The following CDH13 variants were observed in gnomAD, a reference collection of about 807,000 sequenced individuals.
The protein encoded by CDH13 is cadherin-13.
In CDH13, 24 loss-of-function variants were observed where a neutral mutation model predicts 63.8. That is an observed-to-expected ratio of 0.38 (90% CI 0.27 to 0.53). The LOEUF is 0.53. CDH13 is among the 20% of genes least tolerant of loss of function. The probability of loss-of-function intolerance (pLI) is 0.85; values close to 1 mark genes in which losing one functional copy is unlikely to be tolerated. For missense variants in CDH13, 1,049 were observed against 903.1 expected, an observed-to-expected ratio of 1.16 and a Z score of -2.07; for synonymous variants, 503 against 355.3, an observed-to-expected ratio of 1.42 and a Z score of -4.67.
intron 7 of CDH13, among the ~76,000 whole-genome samples, chr16:83,527,167 A>T (rs1319192768): frequency 6.6e-6 from 1 of 151,828 alleles, no homozygotes; most frequent in African/African-American, 2.4e-5. Context: ...GAATAATTTA[A>T]GGCTGGGCGT....
intron 7 of CDH13, among the ~76,000 whole-genome samples, chr16:83,544,460 G>A (rs981433877): frequency 2.6e-5 from 4 of 151,928 alleles, no homozygotes; most frequent in Non-Finnish European, 5.9e-5. Context: ...CCTGCTAAAC[G>A]CCATAGCTTA....
intron 3 of CDH13, among the ~76,000 whole-genome samples, chr16:83,111,439 G>T (rs1187464786): frequency 6.6e-6 from 1 of 152,182 alleles, no homozygotes; most frequent in Admixed American, 6.5e-5. Context: ...TTTGCCAAAT[G>T]GAGGAAGCAA....
intron 7 of CDH13, among the ~76,000 whole-genome samples, chr16:83,530,567 C>T (rs1018129095): frequency 5.9e-5 from 9 of 152,170 alleles, no homozygotes; most frequent in Non-Finnish European, 1.5e-5. Flanking sequence ...TGAGTCTACT[C>T]CTTCTATAAC....
intron 1 of CDH13, among the ~76,000 whole-genome samples, chr16:82,687,928 C>G (rs935650701): frequency 1.3e-5 from 2 of 152,158 alleles, no homozygotes; most frequent in Non-Finnish European, 2.9e-5. Flanking sequence ...CCTCCTTGGA[C>G]TCAGACATGC....
At chr16:82,978,629 C>T (rs1909847724) in intron 2 of CDH13, among the ~76,000 whole-genome samples, 1 of 152,252 alleles carries the variant, frequency 6.6e-6, no homozygotes, top group Admixed American at 6.5e-5. Flanking sequence ...GTTGAGCCTG[C>T]AGGTACACAG....
At chr16:83,154,448 T>G (rs1447843685) in intron 4 of CDH13, among the ~76,000 whole-genome samples, 1 of 151,552 alleles carries the variant, frequency 6.6e-6, no homozygotes, top group African/African-American at 2.4e-5. Context: ...ACACCTGTGG[T>G]CCCAGCTACT....
At chr16:82,756,578 C>T (rs2034618870) in intron 1 of CDH13, among the ~76,000 whole-genome samples, 2 of 152,144 alleles carry the variant, frequency 1.3e-5, no homozygotes, top group Non-Finnish European at 2.9e-5. Flanking sequence ...ACAGTGGGAA[C>T]ATTAAATGAG....
chr16:83,063,807 C>G (rs1216344881), intron 3 of CDH13, among the ~76,000 whole-genome samples: 1 of 152,136 alleles, frequency 6.6e-6, no homozygotes, highest in Admixed American at 6.5e-5. Context: ...CTCCAAGGAG[C>G]ATTTGTTCCT....
At chr16:83,226,808 G>C (rs1490905097) in intron 5 of CDH13, among the ~76,000 whole-genome samples, 1 of 152,204 alleles carries the variant, frequency 6.6e-6, no homozygotes. Flanking sequence ...GACGAGCATT[G>C]TGAGTGACAC....
At chr16:82,879,193 C>T (rs2040608106) in intron 2 of CDH13, among the ~76,000 whole-genome samples, 1 of 152,068 alleles carries the variant, frequency 6.6e-6, no homozygotes, top group South Asian at 2.1e-4. Context: ...AGCTCTGGCA[C>T]CTGAATGCTT....
At position 83,743,824 on chromosome 16, in the gene CDH13, C is replaced by G. The variant is rs909152057; in HGVS notation, c.1539-4284C>G. On this transcript the variant is annotated intron_variant, in intron 10 of 13. Transcript: ENST00000567109. ...ACAGAAGGAGAAAAGATGTAATAAA[C>G]CTTTACCGGGCACCGTCTGCGTCCA... 2.5e-5 allele frequency among the ~76,000 whole-genome samples: 3 copies of G among 120,340 alleles called. No homozygotes were observed. In the East Asian group the frequency reaches 8.5e-4, roughly 34 times the overall value. The allele number at this position is 120,340 out of a possible 152,430, so 78.9% of individuals were successfully genotyped here.
chr16:83,345,421 A>G (rs1427854749), intron 6 of CDH13, among the ~76,000 whole-genome samples: 1 of 152,200 alleles, frequency 6.6e-6, no homozygotes, highest in Non-Finnish European at 1.5e-5. Flanking sequence ...GAACTATTTT[A>G]GTAAAATAGG....
intron 6 of CDH13, among the ~76,000 whole-genome samples, chr16:83,480,060 C>G (rs28372280): frequency 0.022 from 3,406 of 152,258 alleles, 134 homozygotes; most frequent in African/African-American, 0.077. Context: ...CGTGATGGCT[C>G]ACATCTGTAA....
At chr16:83,554,006 G>C (rs1217345206) in intron 7 of CDH13, among the ~76,000 whole-genome samples, 1 of 152,068 alleles carries the variant, frequency 6.6e-6, no homozygotes, top group Non-Finnish European at 1.5e-5. Context: ...AGATATAATT[G>C]CCTGTGTCTC....
At chr16:82,781,005 C>G (rs2035727513) in intron 1 of CDH13, among the ~76,000 whole-genome samples, 1 of 152,226 alleles carries the variant, frequency 6.6e-6, no homozygotes, top group Non-Finnish European at 1.5e-5. Context: ...CTCCTGCTGT[C>G]TGGAGAGACT....
chr16:83,143,422 C>T (rs1004289435), intron 4 of CDH13, among the ~76,000 whole-genome samples: 3 of 152,152 alleles, frequency 2.0e-5, no homozygotes, highest in Admixed American at 6.5e-5. Flanking sequence ...ACATAAAGCA[C>T]ATTTTGTGTT....
chr16:83,678,365 C>T lies in CDH13; in HGVS notation c.1442C>T (p.Pro481Leu), dbSNP rs766801392. The T allele has an allele frequency of 3.7e-6, 6 of 1,613,988 alleles. No individual in the cohort carries two copies. The East Asian group carries it at 1.3e-4, about 36-fold the overall frequency. Residue 481 changes from proline to leucine, a missense_variant, in exon 10 of 14, where the codon CCC becomes CTC. Physicochemically the swap from Pro to Leu is moderately conservative, Grantham distance 98 (BLOSUM62 -3). Transcript: ENST00000567109. ...GAGGGCCCAGTCTTCTACCCAGACC[C>T]CATGATGGTGACCAGGCAGGAGGAC... Reference protein sequence around the residue: ...VNEGPVFYPDPMMVTRQEDLS... With the variant: ...VNEGPVFYPDLMMVTRQEDLS...
intron 2 of CDH13, among the ~76,000 whole-genome samples, chr16:82,975,124 A>C (rs1207778500): frequency 1.3e-5 from 2 of 152,210 alleles, no homozygotes; most frequent in Non-Finnish European, 2.9e-5. Context: ...AGTCTTGAAT[A>C]AAGAGTCAGA....
intron 4 of CDH13, among the ~76,000 whole-genome samples, chr16:83,180,133 A>G (rs2151743194): frequency 6.7e-6 from 1 of 149,744 alleles, no homozygotes; most frequent in African/African-American, 2.5e-5. Flanking sequence ...GTCGTTTAAA[A>G]GTAAGGTTTT....
Sources: allele counts gnomAD v4.1 joint callset (sites outside exome capture counted in the v4.1 genomes callset), GRCh38; gene constraint gnomAD v4.1.1; transcripts MANE v1.5; gene names NCBI Gene and HGNC (gene_info 2026-07-23, HGNC 2026-07-21).